Variants in SLCO3A1 observed in about 807,000 individuals in gnomAD.
The protein encoded by SLCO3A1 is solute carrier organic anion transporter family member 3A1, also known as PGE1 transporter.
SLCO3A1 carries 27 observed loss-of-function variants against 63.1 expected under a neutral mutation model. That is an observed-to-expected ratio of 0.43 (90% CI 0.32 to 0.59). The LOEUF (loss-of-function observed/expected upper bound fraction) is 0.59. SLCO3A1 is among the 20% of genes least tolerant of loss of function. The probability of loss-of-function intolerance (pLI) is 0.09; values close to 1 mark genes in which losing one functional copy is unlikely to be tolerated. For synonymous variants in SLCO3A1, 473 were observed against 409.9 expected (o/e 1.15, Z -1.86); for missense variants, 773 against 945.8 (o/e 0.82, Z 2.40).
intron 2 of SLCO3A1, among the ~76,000 whole-genome samples, chr15:92,084,216 A>G (rs746652142): frequency 2.0e-5 from 3 of 152,226 alleles, no homozygotes; most frequent in African/African-American, 7.2e-5. Flanking sequence ...TATTTTCCAC[A>G]TTCTCTAAAA....
intron 2 of SLCO3A1, among the ~76,000 whole-genome samples, chr15:91,974,265 G>GTTATTATTATTATTATTATTATTATTA (rs56317875): frequency 7.0e-6 from 1 of 142,958 alleles, no homozygotes; most frequent in African/African-American, 2.6e-5. Context: ...TTTCATTATT[G>GTTATTATTATTATTATTATTATTATTA]TTATTATTAT....
chr15:92,167,166 C>T (rs2048498029), downstream of SLCO3A1, among the ~76,000 whole-genome samples: 2 of 152,246 alleles, frequency 1.3e-5, no homozygotes, highest in African/African-American at 4.8e-5. Flanking sequence ...ATACTTCCCG[C>T]TGCCTGGTGC....
chr15:92,051,329 T>C (rs1199389716), intron 2 of SLCO3A1, among the ~76,000 whole-genome samples: 1 of 152,064 alleles, frequency 6.6e-6, no homozygotes, highest in Non-Finnish European at 1.5e-5. Context: ...GTGTCACCCT[T>C]AGGGAACAGC....
chr15:91,939,523 G>C (rs1423326461), intron 2 of SLCO3A1, among the ~76,000 whole-genome samples: 1 of 152,158 alleles, frequency 6.6e-6, no homozygotes, highest in Non-Finnish European at 1.5e-5. Context: ...TGGTTCGCTG[G>C]CTGCAGCCAG....
At position 92,064,291 on chromosome 15, in the gene SLCO3A1, G is replaced by GT. The variant is rs1212592682; in HGVS notation, c.647-30582dup. Among the ~76,000 whole-genome samples the GT allele has an allele frequency of 9.9e-5, 15 of 152,112 alleles. No individual in the cohort carries two copies. In the South Asian group the frequency reaches 1.0e-3, roughly 11 times the overall value. ...GACTGTTTTTAAATCCAATTACTTA[G>GT]TTTTTTTTGCTGTTGAGTTGGTTGA... On this transcript the variant is annotated intron_variant, in intron 2 of 9. Transcript: ENST00000318445.
At chr15:92,077,714 C>G (rs1036856424) in intron 2 of SLCO3A1, among the ~76,000 whole-genome samples, 1 of 152,206 alleles carries the variant, frequency 6.6e-6, no homozygotes, top group Non-Finnish European at 1.5e-5. Context: ...TCCCTCAGGA[C>G]CCTGGGCTTC....
chr15:91,992,476 C>T (rs1165849536), intron 2 of SLCO3A1, among the ~76,000 whole-genome samples: 1 of 152,182 alleles, frequency 6.6e-6, no homozygotes, highest in Non-Finnish European at 1.5e-5. Flanking sequence ...ACTACTGCAT[C>T]GTTGATATGC....
intron 2 of SLCO3A1, among the ~76,000 whole-genome samples, chr15:92,022,541 A>C (rs1031537329): frequency 3.3e-5 from 5 of 152,226 alleles, no homozygotes; most frequent in African/African-American, 1.2e-4. Flanking sequence ...GCCTTATTAC[A>C]AAACGCTCGT....
At position 91,853,728 on chromosome 15, in the gene SLCO3A1, G is replaced by GGCT; in HGVS notation, c.-179_-178insTGC. On this transcript the variant is annotated 5_prime_UTR_variant, in exon 1 of 10. Coordinates refer to ENST00000318445, the MANE Select transcript of SLCO3A1 (RefSeq NM_013272.4). Reference sequence around the variant, plus strand: ...AAGGGGCGATCGCGGCGGCGGCGGCGGCGGCGAGGAGCTGTGCCTTCCACC... The same window carrying GGCT: ...AAGGGGCGATCGCGGCGGCGGCGGCGGCTGCGGCGAGGAGCTGTGCCTTCCACC... 1 of 550,508 alleles carries GGCT rather than the reference G, an allele frequency of 1.8e-6. No homozygotes were observed. The highest frequency in any genetic ancestry group is 2.4e-6 in the Non-Finnish European group (1 of 422,110). The allele number at this position is 550,508 out of a possible 1,614,324, so 34.1% of individuals were successfully genotyped here. A position where few individuals can be genotyped will look rare whatever the true frequency, so the allele number is the denominator to read the frequency against.
chr15:92,140,047 CT>C (rs1351057511), intron 7 of SLCO3A1, among the ~76,000 whole-genome samples: 2 of 118,944 alleles, frequency 1.7e-5, no homozygotes, highest in African/African-American at 8.0e-5. Flanking sequence ...TCTTGCTTTT[CT>C]GGTTCTTTTA....
intron 5 of SLCO3A1, among the ~76,000 whole-genome samples, chr15:92,121,246 AT>A (rs1284119504): frequency 6.6e-6 from 1 of 152,252 alleles, no homozygotes; most frequent in East Asian, 1.9e-4. Context: ...GTCCTGCAGC[AT>A]GTCTTAGTTT....
chr15:92,114,913 C>T (rs541299341), intron 4 of SLCO3A1, among the ~76,000 whole-genome samples: 39 of 152,250 alleles, frequency 2.6e-4, no homozygotes, highest in Admixed American at 2.4e-3. Context: ...CTCAATGAAG[C>T]GTTGGTTTTC....
At chr15:91,899,802 T>C (rs1898106697) in intron 1 of SLCO3A1, among the ~76,000 whole-genome samples, 1 of 152,210 alleles carries the variant, frequency 6.6e-6, no homozygotes, top group Non-Finnish European at 1.5e-5. Context: ...ACCTACTTTC[T>C]TTCTCCATAG....
chr15:91,957,869 C>T (rs1900296208), intron 2 of SLCO3A1, among the ~76,000 whole-genome samples: 1 of 152,178 alleles, frequency 6.6e-6, no homozygotes, highest in Admixed American at 6.5e-5. Context: ...TCATTCAGTT[C>T]AGTGCTATAT....
intron 1 of SLCO3A1, chr15:91,889,211 T>G: frequency 7.9e-7 from 1 of 1,269,404 alleles, no homozygotes; most frequent in Non-Finnish European, 1.0e-6. Context: ...TGAATGTAAG[T>G]TCTAAAATTG....
At chr15:92,102,134 A>G (rs889792583) in intron 3 of SLCO3A1, among the ~76,000 whole-genome samples, 3 of 152,060 alleles carry the variant, frequency 2.0e-5, no homozygotes, top group Non-Finnish European at 4.4e-5. Flanking sequence ...CCTGGAGACA[A>G]TGGAGGGAAA....
chr15:92,009,012 A>G (rs1281598245), intron 2 of SLCO3A1, among the ~76,000 whole-genome samples: 10 of 152,200 alleles, frequency 6.6e-5, no homozygotes, highest in Admixed American at 6.5e-4. Context: ...AGAGAGAATG[A>G]AAAATATATT....
intron 1 of SLCO3A1, among the ~76,000 whole-genome samples, chr15:91,890,816 G>A (rs1256354731): frequency 1.5e-4 from 23 of 152,208 alleles, no homozygotes; most frequent in Non-Finnish European, 1.5e-5. Flanking sequence ...GGAGCTCTCT[G>A]CTGGTGTGAC....
intron 5 of SLCO3A1, 105 bp downstream of exon 5, chr15:92,120,734 G>T (rs569821794): frequency 3.8e-5 from 35 of 916,226 alleles, no homozygotes; most frequent in Non-Finnish European, 5.5e-5. Context: ...TCTGCTCTGG[G>T]CCTACAGCAA....
Sources: allele counts gnomAD v4.1 joint callset (sites outside exome capture counted in the v4.1 genomes callset), GRCh38; gene constraint gnomAD v4.1.1; transcripts MANE v1.5; gene names NCBI Gene and HGNC (gene_info 2026-07-23, HGNC 2026-07-21).